Variants in RCHY1 observed in about 807,000 individuals in gnomAD.
The protein encoded by RCHY1 is RING finger and CHY zinc finger domain-containing protein 1.
In RCHY1, 21 loss-of-function variants were observed where a neutral mutation model predicts 41.6. That is an observed-to-expected ratio of 0.51 (90% confidence interval 0.36 to 0.73). RCHY1 has a LOEUF of 0.73. RCHY1 is among the 30% of genes least tolerant of loss of function. The probability of loss-of-function intolerance (pLI) is 0.00; values close to 1 mark genes in which losing one functional copy is unlikely to be tolerated. For missense variants in RCHY1, 265 were observed against 325.3 expected, an observed-to-expected ratio of 0.81 and a Z score of 1.43; for synonymous variants, 79 against 102.9, an observed-to-expected ratio of 0.77 and a Z score of 1.41.
chr4:75,509,205 T>C lies in RCHY1; in HGVS notation c.182A>G (p.Gln61Arg). ...QLDRFKVKEV[Q>R]CINCEKIQHA... ...TTGAATTTTTTCACAGTTTATGCAC[T>C]GCACTTCCTTCACTTTAAAGCGATC... The change falls in exon 2 of 9, where the codon CAG becomes CGG. Residue 61 changes from glutamine (Q) to arginine (R), a missense_variant. Transcript: ENST00000324439. The C allele has an allele frequency of 3.1e-6, 5 of 1,612,996 alleles. No individual in the cohort carries two copies. The highest frequency in any genetic ancestry group is 2.5e-6 in the Non-Finnish European group (3 of 1,179,330).
At chr4:75,498,020 G>GA (rs984528423) in intron 3 of RCHY1, among the ~76,000 whole-genome samples, 2 of 141,438 alleles carry the variant, frequency 1.4e-5, no homozygotes, top group African/African-American at 2.6e-5. Flanking sequence ...GAGCAGAGCA[G>GA]AAAAAAATGA....
At chr4:75,498,091 G>C (rs1282625197) in intron 3 of RCHY1, among the ~76,000 whole-genome samples, 1 of 123,270 alleles carries the variant, frequency 8.1e-6, no homozygotes, top group Non-Finnish European at 1.8e-5. Context: ...TTTTTGAAAA[G>C]ATAAAATCAA....
In RCHY1 at chr4:75,506,714, A is replaced by T. The variant is rs116631675; in HGVS notation, c.326+2106T>A. On this transcript the variant is annotated intron_variant, in intron 3 of 8. Coordinates refer to ENST00000324439, the MANE Select transcript of RCHY1 (RefSeq NM_015436.4). ...GTCTCAGAAGAGGTGGGAAAACGGT[A>T]CAGAAACATTATCTGAAGAGAAACT... Among the ~76,000 whole-genome samples, 424 of 152,184 alleles carry T rather than the reference A, an allele frequency of 2.8e-3. 1 individual carries two copies. Among genetic ancestry groups the T allele is most frequent in the African/African-American group, 9.0e-3 (374 of 41,550 alleles).
At position 75,482,027 on chromosome 4, in the gene RCHY1, A is replaced by C. The variant is rs1449730683; in HGVS notation, c.*511T>G. The C allele has an allele frequency of 2.6e-5, 4 of 152,128 alleles. No individual in the cohort carries two copies. Among genetic ancestry groups the C allele is most frequent in the African/African-American group, 9.7e-5 (4 of 41,414 alleles). The allele number at this position is 152,128 out of a possible 1,614,324, so 9.4% of individuals were successfully genotyped here. ...AAAACAGTTTCAATATAATTTTATT[A>C]GCAGTTATTACATCAAAATTCACAT... On this transcript the variant is annotated 3_prime_UTR_variant, in exon 9 of 9. Transcript: ENST00000324439.
At chr4:75,502,083 A>G (rs1723824415) in intron 3 of RCHY1, among the ~76,000 whole-genome samples, 1 of 152,030 alleles carries the variant, frequency 6.6e-6, no homozygotes, top group Non-Finnish European at 1.5e-5. Context: ...AAAAAAAAAA[A>G]AGTTCTGAGA....
At chr4:75,490,974 T>G (rs1322689880) in intron 7 of RCHY1, 1 of 242,304 alleles carries the variant, frequency 4.1e-6, no homozygotes, top group East Asian at 8.5e-5. Flanking sequence ...TCATATATTT[T>G]TATAAACTAA....
intron 8 of RCHY1, among the ~76,000 whole-genome samples, chr4:75,489,360 G>A (rs1722541618): frequency 6.6e-6 from 1 of 151,988 alleles, no homozygotes. Context: ...CATGCAAGAG[G>A]GTTAACTCTA....
At chr4:75,510,837 T>C (rs1457100327) in intron 1 of RCHY1, among the ~76,000 whole-genome samples, 3 of 152,198 alleles carry the variant, frequency 2.0e-5, no homozygotes, top group Admixed American at 1.3e-4. Flanking sequence ...AAAATAACTA[T>C]ATTTTTCCCC....
At position 75,494,084 on chromosome 4, in the gene RCHY1, C is replaced by T. The variant is rs1722972855; in HGVS notation, c.405+17G>A. 7.2e-7 allele frequency: 1 copy of T among 1,396,284 alleles called. No individual in the cohort carries two copies. The highest frequency in any genetic ancestry group is 2.6e-5 in the East Asian group (1 of 38,366). 86.5% of individuals were successfully genotyped at this position (1,396,284 alleles called of 1,614,324 possible). A position where few individuals can be genotyped will look rare whatever the true frequency, so the allele number is the denominator to read the frequency against. On this transcript the variant is annotated intron_variant, in intron 4 of 8. Coordinates refer to ENST00000324439, the MANE Select transcript of RCHY1 (RefSeq NM_015436.4). ...ACACTGTAATATTTTTAAAATTATA[C>T]AAACTAAATTATATACCTTGTGTCT... is the stretch of plus-strand genomic sequence containing the variant.
Position 75,479,528 on chromosome 4 carries a change from C to T in RCHY1, c.*3010G>A, listed in dbSNP as rs2148697616. The T allele has an allele frequency of 1.3e-5, 2 of 152,128 alleles. No individual in the cohort carries two copies. The allele number at this position is 152,128 out of a possible 1,614,324, so 9.4% of individuals were successfully genotyped here. Reference sequence around the variant, plus strand: ...GAGTTTGATTTTAAAATCCATGACACTATAAACAAACTACTACTTCCAACA... The same window carrying T: ...GAGTTTGATTTTAAAATCCATGACATTATAAACAAACTACTACTTCCAACA... On this transcript the variant is annotated 3_prime_UTR_variant, in exon 9 of 9. Transcript: ENST00000324439.
chr4:75,507,406 A>G (rs1029388511), intron 3 of RCHY1, among the ~76,000 whole-genome samples: 1 of 152,084 alleles, frequency 6.6e-6, no homozygotes, highest in African/African-American at 2.4e-5. Context: ...GGAAAGCAAC[A>G]GATTAATCCA....
chr4:75,479,703 C>T lies in RCHY1; in HGVS notation c.*2835G>A, dbSNP rs1721376818. 1.3e-5 allele frequency: 2 copies of T among 151,828 alleles called. No homozygotes were observed. The highest frequency in any genetic ancestry group is 2.1e-4 in the South Asian group (1 of 4,816). 9.4% of individuals were successfully genotyped at this position (151,828 alleles called of 1,614,324 possible). A position where few individuals can be genotyped will look rare whatever the true frequency, so the allele number is the denominator to read the frequency against. On this transcript the variant is annotated 3_prime_UTR_variant, in exon 9 of 9. Coordinates refer to ENST00000324439, the MANE Select transcript of RCHY1 (RefSeq NM_015436.4). ...CTGAGATGCTATGCACCAAAAAATT[C>T]GTAAGGGTATTGTTATTTTACTTTT...
rs561723704 is a variant in RCHY1 at position 75,483,798 on chromosome 4, C to T, written c.658-1132G>A. Among the ~76,000 whole-genome samples, 11 of 152,186 alleles carry T rather than the reference C, an allele frequency of 7.2e-5. No individual in the cohort carries two copies. The South Asian group carries it at 2.1e-3, about 29-fold the overall frequency. On this transcript the variant is annotated intron_variant, in intron 8 of 8. Coordinates refer to ENST00000324439, the MANE Select transcript of RCHY1 (RefSeq NM_015436.4). ...TTTGGCTTTGCTACGTGGTTTTTAT[C>T]CTCGTATGCTGAAGTATCTGAAGAT... is the stretch of plus-strand genomic sequence containing the variant.
intron 3 of RCHY1, among the ~76,000 whole-genome samples, chr4:75,500,440 C>T (rs1370096327): frequency 6.6e-6 from 1 of 152,046 alleles, no homozygotes; most frequent in African/African-American, 2.4e-5. Context: ...GATGTTTGCC[C>T]GTATTTACCG....
At chr4:75,489,735 C>T (rs1173742600) in intron 8 of RCHY1, among the ~76,000 whole-genome samples, 1 of 152,164 alleles carries the variant, frequency 6.6e-6, no homozygotes, top group East Asian at 1.9e-4. Flanking sequence ...TGTATTTTCA[C>T]CAAGTAAAGA....
chr4:75,493,019 G>C (rs1403011558), intron 4 of RCHY1, among the ~76,000 whole-genome samples: 1 of 151,988 alleles, frequency 6.6e-6, no homozygotes, highest in Non-Finnish European at 1.5e-5. Flanking sequence ...AAATGCTGAG[G>C]TGAGGATGCA....
At chr4:75,490,440 T>C (rs1578212002) in intron 8 of RCHY1, 141 bp downstream of exon 8, 1 of 540,510 alleles carries the variant, frequency 1.9e-6, no homozygotes, top group Non-Finnish European at 3.1e-6. Context: ...AAAATCATTT[T>C]GTGCTTTCCA....
intron 4 of RCHY1, 27 bp from the exon 5 acceptor site, chr4:75,491,960 C>A: frequency 6.5e-7 from 1 of 1,549,798 alleles, no homozygotes; most frequent in Non-Finnish European, 8.7e-7. Context: ...TTCACATTAA[C>A]AAAAGCTTAA....
intron 3 of RCHY1, among the ~76,000 whole-genome samples, chr4:75,498,781 A>T (rs1723460553): frequency 6.6e-6 from 1 of 152,208 alleles, no homozygotes; most frequent in Non-Finnish European, 1.5e-5. Flanking sequence ...CGTACACAGA[A>T]ATCAAATCAA....
Sources: gnomAD v4.1 joint callset for allele counts (sites outside exome capture counted in the v4.1 genomes callset) on GRCh38, gnomAD v4.1.1 for gene constraint, MANE v1.5 for transcripts, NCBI Gene and HGNC (gene_info 2026-07-23, HGNC 2026-07-21) for gene names.